The following NCK2 variants were observed in gnomAD, a reference collection of about 807,000 sequenced individuals.
NCK2 encodes NCK adaptor protein 2, also known as cytoplasmic protein NCK2.
NCK2 carries 16 observed loss-of-function variants against 33.9 expected under a neutral mutation model. The observed-to-expected ratio is 0.47, with a 90% CI of 0.32 to 0.72. The LOEUF (loss-of-function observed/expected upper bound fraction) is 0.72, where lower values mean the gene tolerates loss of function less well. Ranked by LOEUF, NCK2 falls within the 30% of genes least tolerant of loss-of-function variation. The probability of loss-of-function intolerance (pLI) is 0.03; values close to 1 mark genes in which losing one functional copy is unlikely to be tolerated. For missense variants in NCK2, 418 were observed against 537.3 expected, an observed-to-expected ratio of 0.78 and a Z score of 2.19; for synonymous variants, 273 against 239.9, an observed-to-expected ratio of 1.14 and a Z score of -1.27.
intron 1 of NCK2, among the ~76,000 whole-genome samples, chr2:105,755,405 TCTTAA>T (rs66881299): frequency 0.23 from 35,277 of 151,940 alleles, 5,088 homozygotes; most frequent in African/African-American, 0.41. Context: ...ATTTGTTGCT[TCTTAA>T]CTTGATTGTG....
At chr2:105,857,029 TC>T (rs1677299078) in intron 3 of NCK2, 1 of 60,884 alleles carries the variant, frequency 1.6e-5, no homozygotes, top group South Asian at 8.4e-4. Context: ...TTGTGTGTCT[TC>T]TTTTTTTTTT....
intron 3 of NCK2, among the ~76,000 whole-genome samples, chr2:105,869,635 G>A (rs117971646): frequency 1.3e-5 from 2 of 152,132 alleles, no homozygotes; most frequent in East Asian, 1.9e-4. Flanking sequence ...AGCAGGTGTG[G>A]TCCTGCAGAA....
At chr2:105,870,784 T>A (rs775689506) in intron 3 of NCK2, among the ~76,000 whole-genome samples, 1 of 151,968 alleles carries the variant, frequency 6.6e-6, no homozygotes, top group Non-Finnish European at 1.5e-5. Flanking sequence ...AAGGTAAATA[T>A]CCTGGAGTTA....
chr2:105,759,263 G>A (rs550682541), intron 1 of NCK2, among the ~76,000 whole-genome samples: 42 of 152,236 alleles, frequency 2.8e-4, no homozygotes, highest in African/African-American at 7.7e-4. Context: ...ATCGTTTTAC[G>A]TATTCAAGTA....
At position 105,881,688 on chromosome 2, in the gene NCK2, T is replaced by C. The variant is rs763589848; in HGVS notation, c.587T>C (p.Val196Ala). Residue 196 changes from valine to alanine, a missense_variant, in exon 4 of 5, where the codon GTG becomes GCG. Coordinates refer to ENST00000233154, the MANE Select transcript of NCK2 (RefSeq NM_003581.5). ...CTGAGCAATGGCCAGGGCTCCCGCG[T>C]GCTGCATGTGGTCCAGACGCTGTAC... ...ASLSNGQGSR[V>A]LHVVQTLYPF... 4 of 1,613,998 alleles carry C rather than the reference T, an allele frequency of 2.5e-6. No individual in the cohort carries two copies. The highest frequency in any genetic ancestry group is 3.3e-5 in the Admixed American group (2 of 60,018).
intron 1 of NCK2, among the ~76,000 whole-genome samples, chr2:105,801,438 A>G (rs577325584): frequency 1.4e-5 from 2 of 146,100 alleles, no homozygotes; most frequent in South Asian, 4.3e-4. Context: ...TTTTCTCCTC[A>G]CAGTCTATTT....
At chr2:105,815,456 G>C (rs1248528908) in intron 1 of NCK2, among the ~76,000 whole-genome samples, 1 of 152,210 alleles carries the variant, frequency 6.6e-6, no homozygotes, top group Non-Finnish European at 1.5e-5. Context: ...TGTCAAGACA[G>C]ATCCCCATTG....
chr2:105,838,500 C>T (rs1676517291), intron 2 of NCK2, among the ~76,000 whole-genome samples: 1 of 152,080 alleles, frequency 6.6e-6, no homozygotes, highest in African/African-American at 2.4e-5. Flanking sequence ...TACTTTCACC[C>T]TTTTACCAAA....
At chr2:105,757,950 G>A (rs1234630047) in intron 1 of NCK2, among the ~76,000 whole-genome samples, 1 of 137,460 alleles carries the variant, frequency 7.3e-6, no homozygotes, top group Non-Finnish European at 1.7e-5. Flanking sequence ...CCACAGCTGG[G>A]GTGAAGCACC....
intron 2 of NCK2, among the ~76,000 whole-genome samples, chr2:105,831,251 A>G (rs1381340910): frequency 6.6e-6 from 1 of 152,172 alleles, no homozygotes. Context: ...AAATACAATG[A>G]TATTTTTCAC....
intron 1 of NCK2, among the ~76,000 whole-genome samples, chr2:105,782,375 G>A (rs1421476700): frequency 4.6e-5 from 7 of 152,252 alleles, no homozygotes; most frequent in East Asian, 1.9e-4. Context: ...CCTAAAACTA[G>A]TTCCACTCTC....
chr2:105,852,415 C>T (rs1325954078), intron 2 of NCK2, among the ~76,000 whole-genome samples: 2 of 152,110 alleles, frequency 1.3e-5, no homozygotes, highest in Non-Finnish European at 2.9e-5. Context: ...AGATGTAAAA[C>T]TCCTTGGATG....
intron 2 of NCK2, among the ~76,000 whole-genome samples, chr2:105,827,348 A>G (rs960013898): frequency 1.3e-5 from 2 of 152,180 alleles, no homozygotes; most frequent in Admixed American, 6.5e-5. Flanking sequence ...GCTGTGAAAT[A>G]AGAAGTAAAA....
chr2:105,764,147 G>A (rs1413378627), intron 1 of NCK2, among the ~76,000 whole-genome samples: 1 of 152,246 alleles, frequency 6.6e-6, no homozygotes, highest in Non-Finnish European at 1.5e-5. Flanking sequence ...TTTCACGTGG[G>A]TGCATGCTGT....
chr2:105,892,845 C>CAAA (rs34235939), intron 4 of NCK2, 137 bp from the exon 5 acceptor site: 931 of 469,756 alleles, frequency 2.0e-3, no homozygotes, highest in Middle Eastern at 5.2e-3. Context: ...AACTCCATCT[C>CAAA]AAAAAAAAAA....
chr2:105,892,562 G>A (rs543892423), intron 4 of NCK2, among the ~76,000 whole-genome samples: 10 of 150,390 alleles, frequency 6.6e-5, no homozygotes, highest in Middle Eastern at 3.4e-3. Flanking sequence ...CCGGCTGGGC[G>A]TGGTGGCTCA....
rs753530666 is a variant in NCK2 at position 105,893,168 on chromosome 2, C to T, written c.1135C>T (p.Leu379=). ...GGAGAAGCTCTACCTCGTCAGGGCC[C>T]TGCAGTGACGGCGCCCCGGCCCCAC... is the stretch of plus-strand genomic sequence containing the variant. ...HGEKLYLVRA[L]Q is the part of the protein sequence containing the mutation. The change falls in exon 5 of 5, where the codon CTG becomes TTG. Residue 379 remains leucine, a synonymous_variant. Coordinates refer to ENST00000233154, the MANE Select transcript of NCK2 (RefSeq NM_003581.5). The T allele has an allele frequency of 8.8e-6, 14 of 1,596,872 alleles. 1 individual carries two copies. In the African/African-American group the frequency reaches 1.7e-4, roughly 20 times the overall value.
intron 1 of NCK2, among the ~76,000 whole-genome samples, chr2:105,806,933 C>T (rs561527741): frequency 6.6e-6 from 1 of 152,262 alleles, no homozygotes; most frequent in African/African-American, 2.4e-5. Flanking sequence ...CTCAGATGCC[C>T]GTGGTCATGG....
Position 105,881,674 on chromosome 2 carries a change from C to T in NCK2, c.573C>T (p.Gly191=). The T allele has an allele frequency of 6.2e-7, 1 of 1,613,592 alleles. No individual in the cohort carries two copies. The highest frequency in any genetic ancestry group is 8.5e-7 in the Non-Finnish European group (1 of 1,179,680). ...SLRKGASLSN[G]QGSRVLHVVQ... ...GCAAGGGCGCCTCGCTGAGCAATGG[C>T]CAGGGCTCCCGCGTGCTGCATGTGG... is the stretch of plus-strand genomic sequence containing the variant. Residue 191 remains glycine, a synonymous_variant, in exon 4 of 5, where the codon GGC becomes GGT. Coordinates refer to ENST00000233154, the MANE Select transcript of NCK2 (RefSeq NM_003581.5).
Sources: gnomAD v4.1 joint callset for allele counts (sites outside exome capture counted in the v4.1 genomes callset) on GRCh38, gnomAD v4.1.1 for gene constraint, MANE v1.5 for transcripts, NCBI Gene and HGNC (gene_info 2026-07-23, HGNC 2026-07-21) for gene names.